CRYL1: variants seen among roughly 807,000 people sequenced by gnomAD.
The protein encoded by CRYL1 is lambda-crystallin homolog.
Under a neutral mutation model 36.6 loss-of-function variants are expected in CRYL1, and 29 were observed. The observed-to-expected ratio is 0.79, with a 90% confidence interval of 0.59 to 1.08. CRYL1 has a LOEUF of 1.08. Ranked by LOEUF, CRYL1 falls within the 50% of genes least tolerant of loss-of-function variation. The pLI, the probability that CRYL1 is intolerant of heterozygous loss-of-function variation, is 0.00. For missense variants in CRYL1, 411 were observed against 407.9 expected (o/e 1.01, Z -0.06); for synonymous variants, 152 against 151.5 (o/e 1.00, Z -0.02).
intron 3 of CRYL1, among the ~76,000 whole-genome samples, chr13:20,466,838 T>A (rs7323787): frequency 2.0e-5 from 3 of 152,136 alleles, no homozygotes; most frequent in African/African-American, 4.8e-5. Flanking sequence ...ATTCAACATT[T>A]TTGATAATAT....
At chr13:20,460,940 C>G (rs2032804789) in intron 3 of CRYL1, among the ~76,000 whole-genome samples, 1 of 152,120 alleles carries the variant, frequency 6.6e-6, no homozygotes. Flanking sequence ...ACAAAGGGCT[C>G]GTGTAGGCAG....
In CRYL1 at chr13:20,466,682, C is replaced by CTGTGTGTGTGTGTGTGTGTGTG. The variant is rs57209647; in HGVS notation, c.276+22666_276+22687dup. Among the ~76,000 whole-genome samples, 590 of 129,568 alleles carry CTGTGTGTGTGTGTGTGTGTGTG rather than the reference C, an allele frequency of 4.6e-3. 7 individuals are homozygous for CTGTGTGTGTGTGTGTGTGTGTG. The highest frequency in any genetic ancestry group is 0.015 in the African/African-American group (570 of 38,794). 85.0% of individuals were successfully genotyped at this position (129,568 alleles called of 152,430 possible). On this transcript the variant is annotated intron_variant, in intron 3 of 7. Transcript: ENST00000298248. ...AACTGGTATATTACTTTGGAAAACT[C>CTGTGTGTGTGTGTGTGTGTGTG]TGTGTGTGTGTGTGTGTGTGTGTGT...
At chr13:20,454,593 G>C (rs111518458) in intron 3 of CRYL1, among the ~76,000 whole-genome samples, 1 of 151,774 alleles carries the variant, frequency 6.6e-6, no homozygotes, top group African/African-American at 2.4e-5. Flanking sequence ...AATTTTTTTC[G>C]TATTTTTAGT....
At chr13:20,498,791 A>C (rs957544379) in intron 2 of CRYL1, among the ~76,000 whole-genome samples, 1 of 152,210 alleles carries the variant, frequency 6.6e-6, no homozygotes, top group East Asian at 1.9e-4. Flanking sequence ...CTAGGTCTTA[A>C]TGTTTAGGAA....
At position 20,425,015 on chromosome 13, in the gene CRYL1, T is replaced by C. The variant is rs2031901552; in HGVS notation, c.633+7087A>G. On this transcript the variant is annotated intron_variant, in intron 5 of 7. Coordinates refer to ENST00000298248, the MANE Select transcript of CRYL1 (RefSeq NM_015974.3). The surrounding 1 kb of genome is among the most constrained non-coding windows in gnomAD (Gnocchi z 4.4). ...CTTCCCTACACACTGGGCCCATCGC[T>C]CTATGTGACTTCGTGCCAAGACCAC... 6.6e-6 allele frequency among the ~76,000 whole-genome samples: 1 copy of C among 152,172 alleles called. No individual in the cohort carries two copies. The highest frequency in any genetic ancestry group is 2.4e-5 in the African/African-American group (1 of 41,444).
intron 1 of CRYL1, among the ~76,000 whole-genome samples, chr13:20,512,860 G>C (rs1164011337): frequency 6.6e-6 from 1 of 152,146 alleles, no homozygotes; most frequent in African/African-American, 2.4e-5. Flanking sequence ...AACAGAAAAA[G>C]TAAGTTCTAG....
At chr13:20,506,526 C>T (rs908022518) in intron 2 of CRYL1, among the ~76,000 whole-genome samples, 38 of 151,612 alleles carry the variant, frequency 2.5e-4, no homozygotes, top group African/African-American at 8.7e-4. Flanking sequence ...AGCCTTTAAC[C>T]TGGTTAAAAA....
At chr13:20,477,866 TTA>T (rs2033195840) in intron 3 of CRYL1, among the ~76,000 whole-genome samples, 1 of 119,936 alleles carries the variant, frequency 8.3e-6, no homozygotes, top group African/African-American at 3.3e-5. Flanking sequence ...ATAATATATA[TTA>T]TATGATAATA....
intron 3 of CRYL1, among the ~76,000 whole-genome samples, chr13:20,465,685 AG>A (rs1006165771): frequency 2.6e-5 from 4 of 152,146 alleles, no homozygotes; most frequent in Non-Finnish European, 5.9e-5. Context: ...ATTGTTTTGA[AG>A]ATCTTCCTCT....
chr13:20,499,935 A>C (rs557249012), intron 2 of CRYL1, among the ~76,000 whole-genome samples: 45 of 152,336 alleles, frequency 3.0e-4, no homozygotes, highest in African/African-American at 1.1e-3. Context: ...CTTCACAAAA[A>C]GTGACTTATA....
intron 4 of CRYL1, 140 bp downstream of exon 4, chr13:20,439,453 C>T: frequency 2.9e-6 from 2 of 678,966 alleles, no homozygotes; most frequent in Non-Finnish European, 4.8e-6. Flanking sequence ...TGAATTATAT[C>T]TCAATAAAGC....
chr13:20,421,066 A>T (rs893197906), intron 5 of CRYL1, among the ~76,000 whole-genome samples: 2 of 286 alleles, frequency 7.0e-3, no homozygotes, highest in African/African-American at 7.1e-3. Context: ...ACAAACAAAC[A>T]AAAAAAAAAA....
intron 4 of CRYL1, among the ~76,000 whole-genome samples, chr13:20,437,969 G>A (rs185004244): frequency 1.3e-5 from 2 of 152,094 alleles, no homozygotes; most frequent in Admixed American, 6.6e-5. Context: ...CCCTGTCCGT[G>A]GACATGTATA....
Position 20,444,130 on chromosome 13 carries a change from A to T in CRYL1, c.277-4376T>A, listed in dbSNP as rs192874963. Among the ~76,000 whole-genome samples the T allele has an allele frequency of 3.8e-4, 58 of 152,330 alleles. No individual in the cohort carries two copies. In the East Asian group the frequency reaches 4.2e-3, roughly 11 times the overall value. On this transcript the variant is annotated intron_variant, in intron 3 of 7. Transcript: ENST00000298248. ...GGACACCATAATTATTTACATTTTT[A>T]AAAAAAGAATCTTTTTGCTCTAGAA...
At chr13:20,498,546 G>C (rs953316162) in intron 2 of CRYL1, among the ~76,000 whole-genome samples, 1 of 152,100 alleles carries the variant, frequency 6.6e-6, no homozygotes, top group Non-Finnish European at 1.5e-5. Flanking sequence ...AGGTTATAAA[G>C]TTTATGGAAA....
intron 3 of CRYL1, among the ~76,000 whole-genome samples, chr13:20,461,292 C>G (rs2032812533): frequency 6.6e-6 from 1 of 152,232 alleles, no homozygotes; most frequent in African/African-American, 2.4e-5. Flanking sequence ...TCCTGCCCCA[C>G]AGAGGTTCAA....
intron 3 of CRYL1, among the ~76,000 whole-genome samples, chr13:20,454,419 G>GTT (rs59272530): frequency 4.5e-5 from 6 of 133,988 alleles, no homozygotes; most frequent in African/African-American, 1.1e-4. Flanking sequence ...ATTCGTGTTT[G>GTT]TTTTTTTTTT....
Position 20,404,065 on chromosome 13 carries a change from A to T in CRYL1, c.*64T>A. The T allele has an allele frequency of 8.8e-7, 1 of 1,142,660 alleles. No homozygotes were observed. Among genetic ancestry groups the T allele is most frequent in the Non-Finnish European group, 1.3e-6 (1 of 757,214 alleles). 70.8% of individuals were successfully genotyped at this position (1,142,660 alleles called of 1,614,324 possible). On this transcript the variant is annotated 3_prime_UTR_variant, in exon 8 of 8. Transcript: ENST00000298248. ...TACCTATGTCACAGAGGGCTGATTA[A>T]GGGCTTGCAGTGTTCCCAAATAGGG... is the stretch of plus-strand genomic sequence containing the variant.
rs573542787 is a variant in CRYL1 at position 20,489,364 on chromosome 13, A to G, written c.276+6T>C. 5 of 1,612,858 alleles carry G rather than the reference A, an allele frequency of 3.1e-6. No individual in the cohort carries two copies. The East Asian group carries it at 1.1e-4, about 36-fold the overall frequency. ...CACAGATGCGGCGCCAGTGTCCTTC[A>G]CTCACCTGAATGTGCATGGCACCCT... On this transcript the variant is annotated splice_donor_region_variant and intron_variant, in intron 3 of 7. Coordinates refer to ENST00000298248, the MANE Select transcript of CRYL1 (RefSeq NM_015974.3).
Sources: gnomAD v4.1 joint callset for allele counts (sites outside exome capture counted in the v4.1 genomes callset) on GRCh38, gnomAD v4.1.1 for gene constraint, Gnocchi (gnomAD v3.1) non-coding constraint, MANE v1.5 for transcripts, NCBI Gene and HGNC (gene_info 2026-07-23, HGNC 2026-07-21) for gene names.